The following UBAC2 variants were observed in gnomAD, a reference collection of about 807,000 sequenced individuals.
UBAC2 encodes ubiquitin-associated domain-containing protein 2.
In UBAC2, 26 loss-of-function variants were observed where a neutral mutation model predicts 44.0. The ratio of observed to expected loss-of-function variants is 0.59; its 90% CI spans 0.43 to 0.82. The LOEUF (loss-of-function observed/expected upper bound fraction) is 0.82. UBAC2 is among the 40% of genes least tolerant of loss of function. The probability of loss-of-function intolerance (pLI) is 0.00; values close to 1 mark genes in which losing one functional copy is unlikely to be tolerated. For synonymous variants in UBAC2, 155 were observed against 154.3 expected, an observed-to-expected ratio of 1.00 and a Z score of -0.04; for missense variants, 329 against 419.4, an observed-to-expected ratio of 0.78 and a Z score of 1.88.
intron 4 of UBAC2, among the ~76,000 whole-genome samples, chr13:99,275,766 CT>C (rs779676095): frequency 1.5e-4 from 23 of 152,016 alleles, no homozygotes; most frequent in Non-Finnish European, 2.1e-4. Context: ...CTTTGATTAT[CT>C]GTTTGGATTT....
At chr13:99,317,784 G>C (rs1022220773) in intron 5 of UBAC2, among the ~76,000 whole-genome samples, 3 of 151,934 alleles carry the variant, frequency 2.0e-5, no homozygotes, top group Non-Finnish European at 4.4e-5. Context: ...TGGGGTGTGG[G>C]CCAGGTTCAA....
chr13:99,319,515 C>A (rs2044541398), intron 6 of UBAC2, among the ~76,000 whole-genome samples: 1 of 152,132 alleles, frequency 6.6e-6, no homozygotes, highest in Non-Finnish European at 1.5e-5. Flanking sequence ...TGTATTATTC[C>A]TTTTCTGTGT....
chr13:99,361,388 T>C (rs1212178991), intron 7 of UBAC2, among the ~76,000 whole-genome samples: 1 of 152,192 alleles, frequency 6.6e-6, no homozygotes, highest in East Asian at 1.9e-4. Flanking sequence ...CCTAGAGCCG[T>C]AACTTTCTGC....
At chr13:99,233,062 G>A (rs2043194016) in intron 1 of UBAC2, among the ~76,000 whole-genome samples, 1 of 151,946 alleles carries the variant, frequency 6.6e-6, no homozygotes, top group Admixed American at 6.6e-5. Flanking sequence ...AGAGCTAGAA[G>A]CATTGGGACC....
chr13:99,240,623 TA>T (rs2043288418), intron 2 of UBAC2, among the ~76,000 whole-genome samples: 1 of 152,196 alleles, frequency 6.6e-6, no homozygotes, highest in African/African-American at 2.4e-5. Flanking sequence ...GGCAGTTTCC[TA>T]TGTGCTCTCG....
In UBAC2 at chr13:99,255,063, A is replaced by G. The variant is rs745721043; in HGVS notation, c.389+10439A>G. 15 of 1,614,014 alleles carry G rather than the reference A, an allele frequency of 9.3e-6. No individual in the cohort carries two copies. The African/African-American group carries it at 1.5e-4, about 16-fold the overall frequency. On this transcript the variant is annotated intron_variant, in intron 4 of 8. Transcript: ENST00000403766. Reference sequence around the variant, plus strand: ...TGCTGAGGTTCATGAGGAAGGTGGTAAAGGCTCCCCAGGGATTGTAACTGT... The same window carrying G: ...TGCTGAGGTTCATGAGGAAGGTGGTGAAGGCTCCCCAGGGATTGTAACTGT...
At chr13:99,255,302 G>T (rs955035338) in intron 4 of UBAC2, 1 of 1,613,996 alleles carries the variant, frequency 6.2e-7, no homozygotes, top group South Asian at 1.1e-5. Context: ...AATGTCAGTC[G>T]AGTGAGGTTC....
intron 4 of UBAC2, among the ~76,000 whole-genome samples, chr13:99,282,945 C>CTAA (rs1362797526): frequency 1.3e-5 from 2 of 152,148 alleles, no homozygotes; most frequent in African/African-American, 4.8e-5. Context: ...CTTTTGTTAT[C>CTAA]TGAACTAAAG....
intron 4 of UBAC2, among the ~76,000 whole-genome samples, chr13:99,253,311 C>T (rs1403732140): frequency 6.6e-6 from 1 of 151,992 alleles, no homozygotes; most frequent in East Asian, 1.9e-4. Context: ...AAAGAACTGA[C>T]CTTGGTTTCT....
At chr13:99,232,405 GATATATAT>G (rs145868043) in intron 1 of UBAC2, among the ~76,000 whole-genome samples, 4 of 117,862 alleles carry the variant, frequency 3.4e-5, no homozygotes, top group African/African-American at 1.1e-4. Flanking sequence ...GAGAGATATA[GATATATAT>G]ATATATATTC....
chr13:99,255,640 C>T (rs367795735), intron 4 of UBAC2: 51 of 1,613,838 alleles, frequency 3.2e-5, no homozygotes, highest in Non-Finnish European at 3.9e-5. Flanking sequence ...ATAAAACATT[C>T]GAAAGGGTAA....
chr13:99,238,943 T>C (rs1375109656), intron 2 of UBAC2, among the ~76,000 whole-genome samples: 1 of 152,222 alleles, frequency 6.6e-6, no homozygotes, highest in Non-Finnish European at 1.5e-5. Context: ...CTGTATCAGA[T>C]TATGAATTTT....
intron 6 of UBAC2, among the ~76,000 whole-genome samples, chr13:99,333,809 A>G (rs1197572712): frequency 6.6e-6 from 1 of 152,134 alleles, no homozygotes; most frequent in African/African-American, 2.4e-5. Flanking sequence ...GAGAGTGAAG[A>G]TCTTTAACCT....
chr13:99,244,455 A>G, intron 3 of UBAC2, 60 bp from the exon 4 acceptor site: 2 of 1,200,522 alleles, frequency 1.7e-6, no homozygotes, highest in Non-Finnish European at 2.5e-6. Flanking sequence ...TAGCTGAATA[A>G]ATGTTAGTTT....
chr13:99,359,680 T>C (rs1197144293), intron 7 of UBAC2, among the ~76,000 whole-genome samples: 3 of 152,214 alleles, frequency 2.0e-5, no homozygotes, highest in East Asian at 1.9e-4. Flanking sequence ...CTGTGGACCA[T>C]GCAAATCTGT....
At chr13:99,292,187 G>C (rs1187634628) in intron 4 of UBAC2, among the ~76,000 whole-genome samples, 1 of 151,134 alleles carries the variant, frequency 6.6e-6, no homozygotes, top group African/African-American at 2.4e-5. Flanking sequence ...CCAGACTGGA[G>C]TGCAGTGGTG....
At chr13:99,209,550 T>G (rs1042166286) in intron 1 of UBAC2, among the ~76,000 whole-genome samples, 1 of 152,200 alleles carries the variant, frequency 6.6e-6, no homozygotes, top group African/African-American at 2.4e-5. Context: ...GTGTTTATAC[T>G]TTTCTGCTGT....
intron 8 of UBAC2, among the ~76,000 whole-genome samples, chr13:99,376,597 T>C (rs1360210946): frequency 6.6e-6 from 1 of 152,192 alleles, no homozygotes; most frequent in Non-Finnish European, 1.5e-5. Flanking sequence ...GAAAGCAGGC[T>C]CTGGATGTTA....
intron 6 of UBAC2, among the ~76,000 whole-genome samples, chr13:99,334,321 A>C (rs1421537276): frequency 1.3e-5 from 2 of 152,214 alleles, no homozygotes; most frequent in African/African-American, 4.8e-5. Context: ...AACGCAGTGG[A>C]TGGGAAGACA....
Sources: allele counts gnomAD v4.1 joint callset (sites outside exome capture counted in the v4.1 genomes callset), GRCh38; gene constraint gnomAD v4.1.1; transcripts MANE v1.5; gene names NCBI Gene and HGNC (gene_info 2026-07-23, HGNC 2026-07-21).